Variants in NFKB1 observed in about 807,000 individuals in gnomAD.
NFKB1 encodes nuclear factor kappa B subunit 1, also known as nuclear factor NF-kappa-B p105 subunit.
A neutral mutation model predicts 105.1 loss-of-function variants in NFKB1; 9 were observed. The observed-to-expected ratio is 0.09, with a 90% CI of 0.05 to 0.15. NFKB1 has a LOEUF of 0.15. Among genes scored for constraint, NFKB1 ranks in the 10% least tolerant of loss-of-function variants. The probability of loss-of-function intolerance (pLI) is 1.00; values close to 1 mark genes in which losing one functional copy is unlikely to be tolerated. For missense variants in NFKB1, 830 were observed against 1,203.7 expected, an observed-to-expected ratio of 0.69 and a Z score of 4.59; for synonymous variants, 440 against 442.2, an observed-to-expected ratio of 1.00 and a Z score of 0.06.
At chr4:102,547,405 G>T (rs1207555940) in intron 5 of NFKB1, among the ~76,000 whole-genome samples, 1 of 152,128 alleles carries the variant, frequency 6.6e-6, no homozygotes, top group Non-Finnish European at 1.5e-5. Flanking sequence ...ACAGTTTCTA[G>T]GTCTGGGGTG....
chr4:102,557,212 A>G (rs1723052000), intron 5 of NFKB1: 1 of 152,174 alleles, frequency 6.6e-6, no homozygotes, highest in African/African-American at 2.4e-5. Flanking sequence ...TTAAGGTAGG[A>G]AGAGAGAAAT....
At position 102,508,443 on chromosome 4, in the gene NFKB1, A is replaced by G. The variant is rs377201579; in HGVS notation, c.-8+6655A>G. ...TACACTTAATTTTTTGCTCAGTTGG[A>G]TAGTCAGGAAAGTACTTAAATCAGC... On this transcript the variant is annotated intron_variant, in intron 1 of 23. Coordinates refer to ENST00000226574, the MANE Select transcript of NFKB1 (RefSeq NM_003998.4). 1.1e-4 allele frequency among the ~76,000 whole-genome samples: 17 copies of G among 152,292 alleles called. No homozygotes were observed. The South Asian group carries it at 3.5e-3, about 32-fold the overall frequency.
intron 5 of NFKB1, among the ~76,000 whole-genome samples, chr4:102,562,201 C>T (rs542349117): frequency 3.3e-5 from 5 of 152,112 alleles, no homozygotes; most frequent in African/African-American, 1.2e-4. Flanking sequence ...TGGCCTCACC[C>T]ACCCCCTTGC....
chr4:102,611,353 G>GCAAAGACTC lies in NFKB1; in HGVS notation c.2352+656_2352+657insAAGACTCCA, dbSNP rs201449712. ...GTATGTGTCCAGCTCACTGACGTTA[G>GCAAAGACTC]CATGGTTCTCCCTTTATGTTAGCAC... On this transcript the variant is annotated intron_variant, in intron 20 of 23. Coordinates refer to ENST00000226574, the MANE Select transcript of NFKB1 (RefSeq NM_003998.4). Among the ~76,000 whole-genome samples, 3 of 152,080 alleles carry GCAAAGACTC rather than the reference G, an allele frequency of 2.0e-5. No homozygotes were observed. The East Asian group carries it at 5.8e-4, about 29-fold the overall frequency.
intron 1 of NFKB1, among the ~76,000 whole-genome samples, chr4:102,514,161 C>T (rs556797221): frequency 4.6e-5 from 7 of 150,800 alleles, no homozygotes; most frequent in African/African-American, 9.8e-5. Flanking sequence ...GGTGACAGAG[C>T]GAGACTCCAT....
chr4:102,508,339 A>G (rs2149095699), intron 1 of NFKB1, among the ~76,000 whole-genome samples: 1 of 152,330 alleles, frequency 6.6e-6, no homozygotes, highest in Non-Finnish European at 1.5e-5. Context: ...ATGTGGAATG[A>G]TGGAAGAAGC....
chr4:102,586,454 C>G (rs546889638), intron 11 of NFKB1, among the ~76,000 whole-genome samples: 1 of 152,138 alleles, frequency 6.6e-6, no homozygotes, highest in South Asian at 2.1e-4. Flanking sequence ...AAAGGCAGAA[C>G]TGGAACTCAA....
chr4:102,553,575 T>A (rs570286514), intron 5 of NFKB1, among the ~76,000 whole-genome samples: 93 of 152,306 alleles, frequency 6.1e-4, no homozygotes, highest in Non-Finnish European at 9.9e-4. Context: ...TTCTACTTCC[T>A]CTAATTATTT....
intron 5 of NFKB1, among the ~76,000 whole-genome samples, chr4:102,556,946 G>GA (rs1388940277): frequency 2.0e-5 from 3 of 152,026 alleles, no homozygotes; most frequent in Non-Finnish European, 4.4e-5. Flanking sequence ...GTAGACAAGG[G>GA]AAAAAATCCT....
chr4:102,504,024 T>C (rs1319096240), intron 1 of NFKB1, among the ~76,000 whole-genome samples: 1 of 152,202 alleles, frequency 6.6e-6, no homozygotes, highest in African/African-American at 2.4e-5. Context: ...TTTTACCTAA[T>C]TTATGAGAGG....
At chr4:102,605,625 T>G (rs1182879552) in intron 16 of NFKB1, among the ~76,000 whole-genome samples, 1 of 152,252 alleles carries the variant, frequency 6.6e-6, no homozygotes, top group East Asian at 1.9e-4. Flanking sequence ...GCAAAACATC[T>G]TATTTGCATT....
intron 6 of NFKB1, among the ~76,000 whole-genome samples, chr4:102,569,131 T>C (rs1361621659): frequency 6.6e-6 from 1 of 152,152 alleles, no homozygotes; most frequent in Admixed American, 6.5e-5. Flanking sequence ...CATAATTCAT[T>C]TGTTTCTATC....
At chr4:102,545,633 C>G (rs1722078142) in intron 5 of NFKB1, among the ~76,000 whole-genome samples, 1 of 152,028 alleles carries the variant, frequency 6.6e-6, no homozygotes, top group South Asian at 2.1e-4. Flanking sequence ...GGATCTGTTT[C>G]TACTTTGCAG....
At chr4:102,519,771 A>G (rs1560636338) in intron 1 of NFKB1, among the ~76,000 whole-genome samples, 2 of 152,218 alleles carry the variant, frequency 1.3e-5, no homozygotes, top group Admixed American at 6.5e-5. Flanking sequence ...CAGATTAGCT[A>G]GCATTACTAT....
chr4:102,545,774 A>G (rs1722089723), intron 5 of NFKB1, among the ~76,000 whole-genome samples: 1 of 152,134 alleles, frequency 6.6e-6, no homozygotes, highest in African/African-American at 2.4e-5. Flanking sequence ...CCAATCTTGG[A>G]TTCTACAATA....
At chr4:102,601,075 T>A in intron 16 of NFKB1, 66 bp downstream of exon 16, 1 of 992,276 alleles carries the variant, frequency 1.0e-6, no homozygotes, top group South Asian at 1.4e-5. Context: ...TCTGTTATGT[T>A]TGGGTGCATG....
rs1212212163 is a variant in NFKB1 at position 102,594,952 on chromosome 4, C to G, written c.1271C>G (p.Thr424Ser). ...TYGGITFHPGTTKSNAGMKHG... is the reference protein window; with the variant it reads ...TYGGITFHPGSTKSNAGMKHG... ...GGTGGGATTACTTTCCATCCTGGAA[C>G]TACTAAATCTAATGCTGGGATGAAG... Residue 424 changes from threonine (T) to serine (S), a missense_variant, in exon 13 of 24, where the codon ACT (threonine) becomes AGT (serine). By Grantham distance (58) the Thr-to-Ser change is moderately conservative. Coordinates refer to ENST00000226574, the MANE Select transcript of NFKB1 (RefSeq NM_003998.4). The G allele has an allele frequency of 1.9e-6, 3 of 1,610,330 alleles. No homozygotes were observed. The highest frequency in any genetic ancestry group is 2.5e-6 in the Non-Finnish European group (3 of 1,177,436).
At chr4:102,517,963 G>A (rs1048107040) in intron 1 of NFKB1, among the ~76,000 whole-genome samples, 1 of 152,146 alleles carries the variant, frequency 6.6e-6, no homozygotes, top group African/African-American at 2.4e-5. Flanking sequence ...GCAATAATGT[G>A]AAAGATTCTT....
In NFKB1 at chr4:102,600,990, T is replaced by C. The variant is rs780928731; in HGVS notation, c.1733T>C (p.Met578Thr). 2 of 1,599,152 alleles carry C rather than the reference T, an allele frequency of 1.3e-6. No individual in the cohort carries two copies. The highest frequency in any genetic ancestry group is 2.2e-5 in the East Asian group (1 of 44,764). The change falls in exon 16 of 24, where the codon ATG becomes ACG. Residue 578 changes from methionine (M) to threonine (T), a missense_variant. By Grantham distance (81) the Met-to-Thr change is moderately conservative (BLOSUM62 -1). Coordinates refer to ENST00000226574, the MANE Select transcript of NFKB1 (RefSeq NM_003998.4). ...SGLISDDIIN[M>T]RNDLYQTPLH... is the part of the protein sequence containing the mutation. ...TTGATTTCTGATGACATTATCAACATGAGAAATGATCTGTACCAGGTAAGC... is the reference window on the plus strand; with the variant it reads ...TTGATTTCTGATGACATTATCAACACGAGAAATGATCTGTACCAGGTAAGC...
Sources: allele counts gnomAD v4.1 joint callset (sites outside exome capture counted in the v4.1 genomes callset), GRCh38; gene constraint gnomAD v4.1.1; transcripts MANE v1.5; gene names NCBI Gene and HGNC (gene_info 2026-07-23, HGNC 2026-07-21).